The following SPAG17 variants were observed in gnomAD, a reference collection of about 807,000 sequenced individuals.
SPAG17 encodes the protein sperm-associated antigen 17.
A neutral mutation model predicts 273.6 loss-of-function variants in SPAG17; 169 were observed. The observed-to-expected ratio is 0.62, with a 90% CI of 0.55 to 0.70. The LOEUF (loss-of-function observed/expected upper bound fraction) is 0.70, where lower values mean the gene tolerates loss of function less well. Ranked by LOEUF, SPAG17 falls within the 30% of genes least tolerant of loss-of-function variation. The pLI, the probability that SPAG17 is intolerant of heterozygous loss-of-function variation, is 0.00. For missense variants in SPAG17, 2,557 were observed against 2,627.8 expected (o/e 0.97, Z 0.59); for synonymous variants, 825 against 873.2 (o/e 0.94, Z 0.97).
Position 118,091,634 on chromosome 1 carries a change from G to T in SPAG17, c.1331C>A (p.Pro444His), listed in dbSNP as rs1164523448. The T allele has an allele frequency of 6.2e-7, 1 of 1,611,182 alleles. No individual in the cohort carries two copies. Among genetic ancestry groups the T allele is most frequent in the South Asian group, 1.1e-5 (1 of 90,956 alleles). ...TTCCAGCATACAATGCAGTATCAGG[G>T]GCACAGAAATGAATTCCTCTCGAAT... ...NPIREEFISV[P>H]LILHCMLEQV... The change falls in exon 10 of 49, where the codon CCC (proline) becomes CAC (histidine). Residue 444 changes from proline to histidine, a missense_variant. Coordinates refer to ENST00000336338, the MANE Select transcript of SPAG17 (RefSeq NM_206996.4).
At chr1:118,178,276 G>A (rs752733416) in intron 1 of SPAG17, among the ~76,000 whole-genome samples, 6 of 152,076 alleles carry the variant, frequency 3.9e-5, no homozygotes, top group Non-Finnish European at 5.9e-5. Flanking sequence ...TCAGGAATGC[G>A]AGGATGGCTT....
intron 20 of SPAG17, among the ~76,000 whole-genome samples, chr1:118,049,396 C>T: frequency 6.6e-6 from 1 of 152,090 alleles, no homozygotes; most frequent in Admixed American, 6.5e-5. Flanking sequence ...TGATTTATTC[C>T]TGGGATGCAA....
At chr1:117,978,496 T>C (rs1048988793) in intron 43 of SPAG17, among the ~76,000 whole-genome samples, 1 of 152,228 alleles carries the variant, frequency 6.6e-6, no homozygotes, top group African/African-American at 2.4e-5. Flanking sequence ...CATGGAATTA[T>C]CATCATTTGC....
chr1:118,087,034 T>C (rs1378373559), intron 10 of SPAG17, 26 bp from the exon 11 acceptor site: 4 of 1,543,360 alleles, frequency 2.6e-6, no homozygotes, highest in African/African-American at 1.4e-5. Flanking sequence ...ATGAGAGGAA[T>C]TGGTGTAAGG....
At chr1:118,063,376 C>G (rs1652565631) in intron 18 of SPAG17, among the ~76,000 whole-genome samples, 1 of 152,044 alleles carries the variant, frequency 6.6e-6, no homozygotes, top group Non-Finnish European at 1.5e-5. Context: ...GGTACTGGTA[C>G]CAAAACAGAG....
At position 117,966,669 on chromosome 1, in the gene SPAG17, T is replaced by C. The variant is rs758638121; in HGVS notation, c.6472A>G (p.Ile2158Val). 23 of 1,613,886 alleles carry C rather than the reference T, an allele frequency of 1.4e-5. 1 individual carries two copies. The highest frequency in any genetic ancestry group is 1.9e-5 in the Non-Finnish European group (22 of 1,179,932). ...GTCATAATCTCGATATTGTGAGAGA[T>C]GTGTGCTGATCCCTTGGCCCCATCC... Reference protein sequence around the residue: ...GEDGAKGSAHISHNIEIMTEH... With the variant: ...GEDGAKGSAHVSHNIEIMTEH... Residue 2158 changes from isoleucine (I) to valine (V), a missense_variant, in exon 47 of 49, where the codon ATC becomes GTC. Coordinates refer to ENST00000336338, the MANE Select transcript of SPAG17 (RefSeq NM_206996.4).
At chr1:118,092,844 C>G (rs1187038943) in intron 8 of SPAG17, among the ~76,000 whole-genome samples, 1 of 152,222 alleles carries the variant, frequency 6.6e-6, no homozygotes, top group Non-Finnish European at 1.5e-5. Flanking sequence ...GTATTGCCAG[C>G]ATCTTGCACA....
chr1:117,959,686 GCTTGAGCCTTGCA>G, intron 48 of SPAG17: 1 of 339,802 alleles, frequency 2.9e-6, no homozygotes, highest in South Asian at 9.6e-5. Flanking sequence ...TGCTCTCAAA[GCTTGAGCCTTGCA>G]GCTCAAGCTT....
At chr1:118,044,438 T>A (rs1201707582) in intron 20 of SPAG17, among the ~76,000 whole-genome samples, 1 of 151,198 alleles carries the variant, frequency 6.6e-6, no homozygotes, top group Non-Finnish European at 1.5e-5. Flanking sequence ...TGAGCCGAGA[T>A]CGCACCACTG....
intron 7 of SPAG17, among the ~76,000 whole-genome samples, chr1:118,096,376 A>C (rs1470713539): frequency 3.4e-5 from 5 of 148,232 alleles, no homozygotes; most frequent in African/African-American, 1.2e-4. Context: ...CTTGTCAGCT[A>C]CCCACAGTCA....
intron 1 of SPAG17, among the ~76,000 whole-genome samples, chr1:118,161,568 CGCTCTG>C (rs1270916718): frequency 6.6e-6 from 1 of 152,044 alleles, no homozygotes; most frequent in East Asian, 1.9e-4. Flanking sequence ...GACGTAGTCT[CGCTCTG>C]TCGCCCAGGC....
chr1:118,060,036 T>C (rs1162946879), intron 18 of SPAG17, among the ~76,000 whole-genome samples: 1 of 152,190 alleles, frequency 6.6e-6, no homozygotes, highest in African/African-American at 2.4e-5. Flanking sequence ...CATTCTTGCA[T>C]TCCAGTTATA....
intron 43 of SPAG17, 69 bp from the exon 44 acceptor site, chr1:117,973,630 A>G: frequency 1.4e-6 from 2 of 1,478,382 alleles, no homozygotes; most frequent in East Asian, 4.8e-5. Context: ...GTAATATCAG[A>G]ATGTATGACA....
chr1:118,179,848 A>T (rs572855903), intron 1 of SPAG17, among the ~76,000 whole-genome samples: 2 of 152,078 alleles, frequency 1.3e-5, no homozygotes, highest in Non-Finnish European at 2.9e-5. Flanking sequence ...AAGATGCTCA[A>T]CATCGCTAAT....
Position 118,093,321 on chromosome 1 carries a change from C to A in SPAG17, c.1012-4G>T. ...AAATATCAGTGCCCAATTTCAGCTA[C>A]AAGTGAGAGATTTAATGGCAATTGG... On this transcript the variant is annotated splice_polypyrimidine_tract_variant and splice_region_variant and intron_variant, in intron 7 of 48. Transcript: ENST00000336338. The A allele has an allele frequency of 6.2e-7, 1 of 1,601,150 alleles. No individual in the cohort carries two copies. Among genetic ancestry groups the A allele is most frequent in the Non-Finnish European group, 8.5e-7 (1 of 1,172,948 alleles).
Position 118,008,191 on chromosome 1 carries a change from A to G in SPAG17, c.4440T>C (p.Gly1480=). 1 of 1,613,688 alleles carries G rather than the reference A, an allele frequency of 6.2e-7. No individual in the cohort carries two copies. Among genetic ancestry groups the G allele is most frequent in the Non-Finnish European group, 8.5e-7 (1 of 1,179,886 alleles). The change falls in exon 31 of 49, where the codon GGT becomes GGC. Residue 1480 remains glycine, a synonymous_variant. Transcript: ENST00000336338. ...TCACCTGCCTGGTGACAGTCCGAGG[A>G]CCCTCGGCTACAAGCAAATGCAAGG... ...ILPDDQETTE[G]PRTVTRQVKC...
intron 43 of SPAG17, among the ~76,000 whole-genome samples, chr1:117,976,103 AACCCAGGT>A (rs1655107531): frequency 6.6e-6 from 1 of 152,168 alleles, no homozygotes; most frequent in African/African-American, 2.4e-5. Flanking sequence ...CCCGGATGTG[AACCCAGGT>A]AGAGCCTGTA....
At chr1:117,999,137 T>C (rs1224135238) in intron 32 of SPAG17, among the ~76,000 whole-genome samples, 2 of 152,228 alleles carry the variant, frequency 1.3e-5, no homozygotes, top group Admixed American at 6.5e-5. Context: ...GTTTCATCCA[T>C]GTCCCTCCAA....
chr1:117,994,334 T>G, intron 35 of SPAG17, 72 bp downstream of exon 35: 2 of 1,464,724 alleles, frequency 1.4e-6, no homozygotes, highest in South Asian at 1.4e-5. Context: ...GGAGAAGACT[T>G]AAGACTCTGG....
Sources: gnomAD v4.1 joint callset for allele counts (sites outside exome capture counted in the v4.1 genomes callset) on GRCh38, gnomAD v4.1.1 for gene constraint, MANE v1.5 for transcripts, NCBI Gene and HGNC (gene_info 2026-07-23, HGNC 2026-07-21) for gene names.